BCO2: variants seen among roughly 807,000 people sequenced by gnomAD.
BCO2 encodes carotenoid-cleaving dioxygenase, mitochondrial.
Under a neutral mutation model 65.8 loss-of-function variants are expected in BCO2, and 56 were observed. The ratio of observed to expected loss-of-function variants is 0.85; its 90% CI spans 0.69 to 1.06. BCO2 has a LOEUF of 1.06. Among genes scored for constraint, BCO2 ranks in the 50% least tolerant of loss-of-function variants. The probability of loss-of-function intolerance (pLI) is 0.00; values close to 1 mark genes in which losing one functional copy is unlikely to be tolerated. For synonymous variants in BCO2, 233 were observed against 242.3 expected (o/e 0.96, Z 0.36); for missense variants, 675 against 698.5 (o/e 0.97, Z 0.38).
chr11:112,210,755 C>T (rs1043746983), intron 8 of BCO2, among the ~76,000 whole-genome samples: 8 of 17,484 alleles, frequency 4.6e-4, no homozygotes, highest in Non-Finnish European at 5.2e-4. Flanking sequence ...ACTAAATACA[C>T]GCACACACAC....
At chr11:112,197,500 A>G (rs1414410605) in intron 5 of BCO2, among the ~76,000 whole-genome samples, 1 of 151,694 alleles carries the variant, frequency 6.6e-6, no homozygotes, top group Non-Finnish European at 1.5e-5. Flanking sequence ...GTGAGTCGTG[A>G]CTGCACCACT....
intron 9 of BCO2, among the ~76,000 whole-genome samples, chr11:112,214,511 G>GC (rs747705749): frequency 5.3e-5 from 8 of 152,198 alleles, no homozygotes; most frequent in Non-Finnish European, 1.2e-4. Flanking sequence ...AGCTGTCAAT[G>GC]CCTTAGCTTT....
At chr11:112,179,704 G>A in intron 2 of BCO2, 1 of 533,036 alleles carries the variant, frequency 1.9e-6, no homozygotes, top group East Asian at 3.3e-5. Flanking sequence ...GCCCTCTGTG[G>A]TTTGTACCAA....
chr11:112,178,711 AC>A (rs1866949471), intron 1 of BCO2, among the ~76,000 whole-genome samples: 2 of 152,140 alleles, frequency 1.3e-5, no homozygotes, highest in African/African-American at 4.8e-5. Flanking sequence ...AATTTTTGAC[AC>A]CCTTCTACTG....
At chr11:112,196,321 AG>A (rs1867572566) in intron 5 of BCO2, among the ~76,000 whole-genome samples, 2 of 152,094 alleles carry the variant, frequency 1.3e-5, no homozygotes, top group South Asian at 4.1e-4. Flanking sequence ...CTTAATGTGC[AG>A]GCAACTGCAG....
intron 5 of BCO2, among the ~76,000 whole-genome samples, chr11:112,196,915 TCCTTCCCTTC>T (rs71060231): frequency 0.12 from 14,675 of 124,244 alleles, 1,068 homozygotes; most frequent in East Asian, 0.36. Context: ...TTCCTTTCCT[TCCTTCCCTTC>T]CCTTCCCTTC....
At chr11:112,176,528 G>GGGGA (rs71060227) in intron 1 of BCO2, 2 of 81,126 alleles carry the variant, frequency 2.5e-5, no homozygotes, top group African/African-American at 4.5e-5. Flanking sequence ...GGGGGGGGGG[G>GGGGA]AATTAAACAT....
At chr11:112,177,805 G>A (rs749125451) in intron 1 of BCO2, among the ~76,000 whole-genome samples, 10 of 152,002 alleles carry the variant, frequency 6.6e-5, no homozygotes, top group Admixed American at 6.5e-5. Flanking sequence ...CCAGTCTGGA[G>A]CCAGGTAGAG....
intron 5 of BCO2, among the ~76,000 whole-genome samples, chr11:112,197,022 G>A (rs566920787): frequency 6.7e-4 from 95 of 140,984 alleles, no homozygotes; most frequent in Non-Finnish European, 1.0e-3. Context: ...TGCTTTCTTC[G>A]ATTAGAGATG....
At chr11:112,198,611 C>T (rs545553155) in intron 5 of BCO2, among the ~76,000 whole-genome samples, 70 of 152,094 alleles carry the variant, frequency 4.6e-4, no homozygotes, top group Admixed American at 7.9e-4. Context: ...GGGGAGGAGT[C>T]AGGGAAGACT....
Position 112,216,217 on chromosome 11 carries a change from C to A in BCO2, c.1516-3C>A. 2 of 1,610,852 alleles carry A rather than the reference C, an allele frequency of 1.2e-6. No individual in the cohort carries two copies. Among genetic ancestry groups the A allele is most frequent in the Non-Finnish European group, 1.7e-6 (2 of 1,177,150 alleles). ...TATCAAATGCTTTTTTTGGGACTTG[C>A]AGGTTTGGAGAGAAGATGGCTTTTA... is the stretch of plus-strand genomic sequence containing the variant. On this transcript the variant is annotated splice_region_variant and splice_polypyrimidine_tract_variant and intron_variant, in intron 10 of 11. Coordinates refer to ENST00000357685, the MANE Select transcript of BCO2 (RefSeq NM_031938.7).
At chr11:112,193,045 T>G (rs1359300949) in intron 2 of BCO2, among the ~76,000 whole-genome samples, 2 of 145,892 alleles carry the variant, frequency 1.4e-5, no homozygotes, top group Non-Finnish European at 3.0e-5. Context: ...TGGCGCGATC[T>G]CGGCTCACTG....
In BCO2 at chr11:112,196,733, T is replaced by C. The variant is rs114220354; in HGVS notation, c.736+1978T>C. ...TACTCAGCATTCTTCCTAGGATGTC[T>C]AATAGGCATTACAAAATTAACTTGT... On this transcript the variant is annotated intron_variant, in intron 5 of 11. Transcript: ENST00000357685. Among the ~76,000 whole-genome samples, 901 of 152,282 alleles carry C rather than the reference T, an allele frequency of 5.9e-3. 16 individuals are homozygous for C. The highest frequency in any genetic ancestry group is 0.021 in the African/African-American group (857 of 41,546).
intron 5 of BCO2, among the ~76,000 whole-genome samples, chr11:112,196,753 A>G (rs1367218176): frequency 7.2e-5 from 11 of 152,120 alleles, no homozygotes; most frequent in Admixed American, 5.9e-4. Context: ...TACAAAATTA[A>G]CTTGTCAAAA....
At chr11:112,188,262 T>A (rs1867264066) in intron 2 of BCO2, among the ~76,000 whole-genome samples, 1 of 152,230 alleles carries the variant, frequency 6.6e-6, no homozygotes, top group South Asian at 2.1e-4. Context: ...TTGGACCCTC[T>A]CTTTGTCGCT....
Position 112,200,812 on chromosome 11 carries a change from G to A in BCO2, c.1026+39G>A, listed in dbSNP as rs769109425. The A allele has an allele frequency of 2.5e-6, 4 of 1,591,972 alleles. No homozygotes were observed. The African/African-American group carries it at 5.4e-5, about 22-fold the overall frequency. On this transcript the variant is annotated intron_variant, in intron 7 of 11. Coordinates refer to ENST00000357685, the MANE Select transcript of BCO2 (RefSeq NM_031938.7). ...AGTATATTTATCATGAAAATTGTTG[G>A]AAACAAAGGCAAATTTCCATATAGT...
intron 2 of BCO2, among the ~76,000 whole-genome samples, chr11:112,193,163 A>G (rs1020625272): frequency 2.0e-5 from 3 of 151,336 alleles, no homozygotes; most frequent in African/African-American, 7.3e-5. Context: ...ATTTTTTAGT[A>G]GAGATGGGAT....
chr11:112,207,761 T>C (rs1379268695), intron 8 of BCO2, among the ~76,000 whole-genome samples: 2 of 152,240 alleles, frequency 1.3e-5, no homozygotes, highest in Admixed American at 6.5e-5. Context: ...CTTTACACAA[T>C]GTTGAGTCTT....
At chr11:112,193,131 C>T (rs1252205451) in intron 2 of BCO2, among the ~76,000 whole-genome samples, 1 of 151,628 alleles carries the variant, frequency 6.6e-6, no homozygotes, top group Non-Finnish European at 1.5e-5. Context: ...GCGCATGCCA[C>T]CATGCCCAGT....
Sources: allele counts gnomAD v4.1 joint callset (sites outside exome capture counted in the v4.1 genomes callset), GRCh38; gene constraint gnomAD v4.1.1; transcripts MANE v1.5; gene names NCBI Gene and HGNC (gene_info 2026-07-23, HGNC 2026-07-21).